The following ZNF146 variants were observed in gnomAD, a reference collection of about 807,000 sequenced individuals.
ZNF146 encodes zinc finger protein 146.
In ZNF146, 9 loss-of-function variants were observed where a neutral mutation model predicts 22.2. That is an observed-to-expected ratio of 0.41 (90% CI 0.24 to 0.71). ZNF146 has a LOEUF of 0.71. Among genes scored for constraint, ZNF146 ranks in the 30% least tolerant of loss-of-function variants. The pLI is 0.34. For missense variants in ZNF146, 194 were observed against 344.8 expected (o/e 0.56, Z 3.46); for synonymous variants, 108 against 119.2 (o/e 0.91, Z 0.61).
chr19:36,232,956 T>C (rs1377441516), intron 3 of ZNF146, among the ~76,000 whole-genome samples: 2 of 152,250 alleles, frequency 1.3e-5, no homozygotes, highest in African/African-American at 4.8e-5. Flanking sequence ...GAATCTCTTA[T>C]GTACCCCCCA....
intron 3 of ZNF146, among the ~76,000 whole-genome samples, chr19:36,235,194 C>A (rs937360198): frequency 6.8e-6 from 1 of 146,232 alleles, no homozygotes; most frequent in Non-Finnish European, 1.5e-5. Flanking sequence ...GGATAACGAG[C>A]GAAATTCCGT....
At chr19:36,221,032 T>C (rs1976813189) in intron 2 of ZNF146, among the ~76,000 whole-genome samples, 1 of 151,806 alleles carries the variant, frequency 6.6e-6, no homozygotes, top group Admixed American at 6.6e-5. Flanking sequence ...TTTGTATTTC[T>C]AGTAGAGACA....
intron 2 of ZNF146, among the ~76,000 whole-genome samples, chr19:36,219,829 G>A (rs1417263717): frequency 6.6e-6 from 1 of 152,024 alleles, no homozygotes; most frequent in Non-Finnish European, 1.5e-5. Context: ...AGAAACTTCT[G>A]GGAACAAACT....
rs7252460 is a variant in ZNF146 at position 36,229,912 on chromosome 19, G to A, written c.-783+1093G>A. Among the ~76,000 whole-genome samples, 358 of 152,250 alleles carry A rather than the reference G, an allele frequency of 2.4e-3. 1 individual carries two copies. Among genetic ancestry groups the A allele is most frequent in the African/African-American group, 8.1e-3 (336 of 41,550 alleles). On this transcript the variant is annotated intron_variant, in intron 3 of 3. Coordinates refer to ENST00000443387, the MANE Select transcript of ZNF146 (RefSeq NM_007145.3). ...TTTTTGTATTTTTCATAGAGATGGG[G>A]TTTTGCCATGTTGGCCAGGCTGGTC... is the stretch of plus-strand genomic sequence containing the variant.
chr19:36,217,053 G>GTCTTTT (rs1167445835), intron 1 of ZNF146, among the ~76,000 whole-genome samples: 1 of 71,826 alleles, frequency 1.4e-5, no homozygotes, highest in Non-Finnish European at 3.0e-5. Flanking sequence ...GCCAGTCCCT[G>GTCTTTT]TCTTTTTTTT....
chr19:36,220,998 G>A (rs1976811810), intron 2 of ZNF146, among the ~76,000 whole-genome samples: 1 of 151,758 alleles, frequency 6.6e-6, no homozygotes, highest in Non-Finnish European at 1.5e-5. Flanking sequence ...GATTACAGGT[G>A]CCCACCATGA....
intron 2 of ZNF146, among the ~76,000 whole-genome samples, chr19:36,223,874 G>A (rs1976966800): frequency 6.6e-6 from 1 of 151,830 alleles, no homozygotes; most frequent in Admixed American, 6.6e-5. Flanking sequence ...GTAGAGATAA[G>A]ATCTCCCTGT....
At chr19:36,227,349 A>G (rs1027004032) in intron 2 of ZNF146, among the ~76,000 whole-genome samples, 2 of 150,280 alleles carry the variant, frequency 1.3e-5, no homozygotes, top group Non-Finnish European at 3.0e-5. Context: ...AGATCACGTC[A>G]CTGCACTCCC....
At chr19:36,233,937 C>T (rs896231854) in intron 3 of ZNF146, among the ~76,000 whole-genome samples, 2 of 146,230 alleles carry the variant, frequency 1.4e-5, no homozygotes, top group African/African-American at 5.6e-5. Context: ...GGGGGACGGT[C>T]AGGTCTTTCC....
intron 1 of ZNF146, among the ~76,000 whole-genome samples, chr19:36,215,815 T>C (rs549991310): frequency 2.0e-5 from 3 of 152,296 alleles, no homozygotes; most frequent in South Asian, 2.1e-4. Flanking sequence ...AGCAATCCCA[T>C]ATAACGGCGC....
rs1360687414 is a variant in ZNF146 at position 36,237,870 on chromosome 19, T to C, written c.*551T>C. 2 of 166,956 alleles carry C rather than the reference T, an allele frequency of 1.2e-5. No individual in the cohort carries two copies. Among genetic ancestry groups the C allele is most frequent in the Non-Finnish European group, 2.9e-5 (2 of 68,168 alleles). 10.3% of individuals were successfully genotyped at this position (166,956 alleles called of 1,614,324 possible). A position where few individuals can be genotyped will look rare whatever the true frequency, so the allele number is the denominator to read the frequency against. ...TAGTTTGTTCTCCAAGGGGGAAAAATAGACCATGAACTATACACAAAAGTG... is the reference window on the plus strand; with the variant it reads ...TAGTTTGTTCTCCAAGGGGGAAAAACAGACCATGAACTATACACAAAAGTG... On this transcript the variant is annotated 3_prime_UTR_variant, in exon 4 of 4. Transcript: ENST00000443387.
At chr19:36,225,481 A>C (rs532279645) in intron 2 of ZNF146, among the ~76,000 whole-genome samples, 1 of 150,156 alleles carries the variant, frequency 6.7e-6, no homozygotes, top group Non-Finnish European at 1.5e-5. Flanking sequence ...GTTATGTTTC[A>C]GTTTTCATCT....
chr19:36,236,382 CT>C lies in ZNF146; in HGVS notation c.-58del. On this transcript the variant is annotated 5_prime_UTR_variant, in exon 4 of 4. An upstream open reading frame in the 5' UTR loses its in-frame stop. Coordinates refer to ENST00000443387, the MANE Select transcript of ZNF146 (RefSeq NM_007145.3). ...ATCTTCAGCCAAAAGTAAATCCTCA[CT>C]CATCAAGAAATTTTTACTGGAGAGA... 5.2e-6 allele frequency: 8 copies of C among 1,532,878 alleles called. No homozygotes were observed. Among genetic ancestry groups the C allele is most frequent in the Non-Finnish European group, 7.0e-6 (8 of 1,144,302 alleles). The allele number at this position is 1,532,878 out of a possible 1,614,324, so 95.0% of individuals were successfully genotyped here. A position where few individuals can be genotyped will look rare whatever the true frequency, so the allele number is the denominator to read the frequency against.
At chr19:36,218,748 C>T (rs528300217) in intron 2 of ZNF146, among the ~76,000 whole-genome samples, 89 of 151,900 alleles carry the variant, frequency 5.9e-4, no homozygotes, top group Non-Finnish European at 1.0e-3. Flanking sequence ...GCATTACAGG[C>T]GTGAGCCACT....
chr19:36,235,937 T>G lies in ZNF146; in HGVS notation c.-504T>G, dbSNP rs1162755345. On this transcript the variant is annotated 5_prime_UTR_variant, in exon 4 of 4. Transcript: ENST00000443387. The stretch of plus-strand genomic sequence containing the variant: ...TGGGAGCTTCTCTACCACAGCTTAC[T>G]CCTTATGGTATTAACCCCCTTTAAG... 1 of 153,058 alleles carries G rather than the reference T, an allele frequency of 6.5e-6. No homozygotes were observed. The highest frequency in any genetic ancestry group is 6.5e-5 in the Admixed American group (1 of 15,358). 9.5% of individuals were successfully genotyped at this position (153,058 alleles called of 1,614,324 possible).
intron 2 of ZNF146, among the ~76,000 whole-genome samples, chr19:36,220,025 C>A (rs888217073): frequency 6.6e-6 from 1 of 152,120 alleles, no homozygotes; most frequent in African/African-American, 2.4e-5. Context: ...CCAGTGGATA[C>A]CCCTTCAGGT....
At chr19:36,221,626 G>T (rs1006306556) in intron 2 of ZNF146, among the ~76,000 whole-genome samples, 7 of 152,062 alleles carry the variant, frequency 4.6e-5, no homozygotes, top group African/African-American at 1.7e-4. Flanking sequence ...GATTACTATT[G>T]AAGTAAGTAA....
intron 2 of ZNF146, among the ~76,000 whole-genome samples, chr19:36,225,957 TGGG>T (rs1977049995): frequency 6.6e-6 from 1 of 151,916 alleles, no homozygotes; most frequent in South Asian, 2.1e-4. Flanking sequence ...TTTGCAGAGA[TGGG>T]GTCTTGCCAT....
chr19:36,229,044 T>C (rs2432053), intron 3 of ZNF146, among the ~76,000 whole-genome samples: 104,258 of 152,186 alleles, frequency 0.69, 35,794 homozygotes, highest in Middle Eastern at 0.74. Flanking sequence ...GCTGTTCTGA[T>C]GTCAGCCTTC....
Sources: allele counts gnomAD v4.1 joint callset (sites outside exome capture counted in the v4.1 genomes callset), GRCh38; gene constraint gnomAD v4.1.1; transcripts MANE v1.5; gene names NCBI Gene and HGNC (gene_info 2026-07-23, HGNC 2026-07-21).